Variants in AGBL1 observed in about 807,000 individuals in gnomAD.
The protein encoded by AGBL1 is AGBL carboxypeptidase 1.
A neutral mutation model predicts 118.9 loss-of-function variants in AGBL1; 130 were observed. The observed-to-expected ratio is 1.09, with a 90% confidence interval of 0.95 to 1.26. The LOEUF (loss-of-function observed/expected upper bound fraction) is 1.26. Among genes scored for constraint, AGBL1 ranks in the 50% most tolerant of loss-of-function variants. AGBL1 has a pLI of 0.00. For missense variants in AGBL1, 1,584 were observed against 1,298.1 expected (o/e 1.22, Z -3.38); for synonymous variants, 555 against 478.9 (o/e 1.16, Z -2.08).
At chr15:86,448,101 C>T (rs1385393619) in intron 18 of AGBL1, among the ~76,000 whole-genome samples, 1 of 152,130 alleles carries the variant, frequency 6.6e-6, no homozygotes, top group South Asian at 2.1e-4. Context: ...GCTGAGATCA[C>T]GCCACTGCAC....
At chr15:86,747,723 G>A (rs895737422) in intron 22 of AGBL1, among the ~76,000 whole-genome samples, 1 of 152,142 alleles carries the variant, frequency 6.6e-6, no homozygotes, top group Admixed American at 6.5e-5. Flanking sequence ...GTGAGAACAT[G>A]TGGTGTTTGG....
intron 18 of AGBL1, among the ~76,000 whole-genome samples, chr15:86,480,860 A>T (rs1345850189): frequency 6.6e-6 from 1 of 152,026 alleles, no homozygotes; most frequent in Admixed American, 6.6e-5. Flanking sequence ...ATATTTAGGC[A>T]ATGGTGAGCA....
chr15:86,216,802 G>A (rs1485221503), intron 5 of AGBL1, among the ~76,000 whole-genome samples: 5 of 152,068 alleles, frequency 3.3e-5, no homozygotes, highest in African/African-American at 1.2e-4. Flanking sequence ...CTCCACTTAC[G>A]GTGAAGCCAA....
At chr15:86,485,994 G>A (rs28577975) in intron 18 of AGBL1, among the ~76,000 whole-genome samples, 10,911 of 152,112 alleles carry the variant, frequency 0.072, 958 homozygotes, top group African/African-American at 0.21. Context: ...AAGAGGCTGA[G>A]CATTGGCATC....
intron 18 of AGBL1, among the ~76,000 whole-genome samples, chr15:86,418,081 T>G (rs550182736): frequency 6.6e-6 from 1 of 152,344 alleles, no homozygotes; most frequent in South Asian, 2.1e-4. Context: ...GAGACCACTT[T>G]GGATCTTGAA....
chr15:86,899,340 A>G (rs1306479544), intron 22 of AGBL1, among the ~76,000 whole-genome samples: 1 of 152,136 alleles, frequency 6.6e-6, no homozygotes, highest in Non-Finnish European at 1.5e-5. Context: ...AATGATGAGA[A>G]CTTTTAAACC....
chr15:86,203,529 T>C (rs1276495748), intron 5 of AGBL1, among the ~76,000 whole-genome samples: 1 of 152,222 alleles, frequency 6.6e-6, no homozygotes, highest in Non-Finnish European at 1.5e-5. Flanking sequence ...GATAGTTGGA[T>C]AGAATTTTGA....
chr15:86,271,889 A>G (rs1597660309), intron 15 of AGBL1, among the ~76,000 whole-genome samples, 183 bp downstream of exon 15: 3 of 152,258 alleles, frequency 2.0e-5, no homozygotes, highest in Admixed American at 6.5e-5. Context: ...TGGCACGCAC[A>G]GTAGACCTCG....
chr15:86,718,993 C>T (rs182307619), intron 22 of AGBL1, among the ~76,000 whole-genome samples: 106 of 152,244 alleles, frequency 7.0e-4, no homozygotes, highest in South Asian at 5.6e-3. Context: ...ATGAAATCAA[C>T]GATCTATCCC....
At chr15:86,855,240 A>G (rs997401155) in intron 22 of AGBL1, among the ~76,000 whole-genome samples, 8 of 152,250 alleles carry the variant, frequency 5.3e-5, no homozygotes, top group Non-Finnish European at 8.8e-5. Context: ...GTTATTGGGC[A>G]GCTATTATGT....
intron 1 of AGBL1, among the ~76,000 whole-genome samples, chr15:86,085,775 TTTGTTG>T (rs376429284): frequency 1.2e-4 from 18 of 152,184 alleles, no homozygotes; most frequent in African/African-American, 4.1e-4. Context: ...ACACTTGATT[TTTGTTG>T]TTGTTGTTGT....
chr15:86,677,549 C>G (rs1386395966), intron 22 of AGBL1, among the ~76,000 whole-genome samples: 2 of 152,124 alleles, frequency 1.3e-5, no homozygotes, highest in Non-Finnish European at 2.9e-5. Context: ...AGCCACTGTT[C>G]GTCTCGATTT....
intron 2 of AGBL1, among the ~76,000 whole-genome samples, chr15:86,142,297 T>G (rs2076974168): frequency 6.6e-6 from 1 of 152,222 alleles, no homozygotes; most frequent in African/African-American, 2.4e-5. Context: ...GGAAATTAGA[T>G]TTAGTAGTAA....
chr15:86,395,166 C>T (rs2081345154), intron 17 of AGBL1, among the ~76,000 whole-genome samples: 1 of 152,050 alleles, frequency 6.6e-6, no homozygotes, highest in Non-Finnish European at 1.5e-5. Flanking sequence ...AATCCCTAAA[C>T]AAAATATATA....
At chr15:86,632,630 GTT>G (rs61180689) in intron 21 of AGBL1, among the ~76,000 whole-genome samples, 45,357 of 143,446 alleles carry the variant, frequency 0.32, 6,966 homozygotes, top group East Asian at 0.59. Context: ...ATCTCATCAT[GTT>G]TTTTTTTTTT....
chr15:86,568,162 C>T (rs2083944685), intron 21 of AGBL1, among the ~76,000 whole-genome samples: 1 of 151,902 alleles, frequency 6.6e-6, no homozygotes, highest in Non-Finnish European at 1.5e-5. Flanking sequence ...GTCTTTGTTT[C>T]TTTGTTTTCT....
chr15:86,977,015 T>C (rs2594332), intron 23 of AGBL1, among the ~76,000 whole-genome samples: 75,666 of 151,758 alleles, frequency 0.5, 19,551 homozygotes, highest in Non-Finnish European at 0.59. Context: ...ACTGTTTTGC[T>C]GTAAAGTGAC....
chr15:86,989,840 T>C (rs980268845), intron 24 of AGBL1, among the ~76,000 whole-genome samples: 1 of 152,208 alleles, frequency 6.6e-6, no homozygotes, highest in Non-Finnish European at 1.5e-5. Flanking sequence ...TATGGACACA[T>C]GCAGGAAGCA....
chr15:86,976,010 G>C (rs2141713234), intron 23 of AGBL1, among the ~76,000 whole-genome samples: 1 of 152,098 alleles, frequency 6.6e-6, no homozygotes, highest in East Asian at 1.9e-4. Flanking sequence ...GAATAACTGA[G>C]TAAATAAGCA....
Sources: gnomAD v4.1 joint callset for allele counts (sites outside exome capture counted in the v4.1 genomes callset) on GRCh38, gnomAD v4.1.1 for gene constraint, MANE v1.5 for transcripts, NCBI Gene and HGNC (gene_info 2026-07-23, HGNC 2026-07-21) for gene names.